PPP4R1: variants seen among roughly 807,000 people sequenced by gnomAD.
The protein encoded by PPP4R1 is protein phosphatase 4 regulatory subunit 1.
Under a neutral mutation model 111.2 loss-of-function variants are expected in PPP4R1, and 42 were observed. That is an observed-to-expected ratio of 0.38 (90% CI 0.29 to 0.49). The LOEUF is 0.49. Ranked by LOEUF, PPP4R1 falls within the 20% of genes least tolerant of loss-of-function variation. The probability of loss-of-function intolerance (pLI) is 0.97; values close to 1 mark genes in which losing one functional copy is unlikely to be tolerated. For synonymous variants in PPP4R1, 409 were observed against 405.5 expected (o/e 1.01, Z -0.10); for missense variants, 1,012 against 1,161.6 (o/e 0.87, Z 1.87).
rs765551012 is a variant in PPP4R1 at position 9,547,744 on chromosome 18, C to A, written c.*45G>T. 6.9e-6 allele frequency: 11 copies of A among 1,604,874 alleles called. No homozygotes were observed. The South Asian group carries it at 7.7e-5, about 11-fold the overall frequency. On this transcript the variant is annotated 3_prime_UTR_variant, in exon 20 of 20. Coordinates refer to ENST00000400556, the MANE Select transcript of PPP4R1 (RefSeq NM_001042388.3). Reference sequence around the variant, plus strand: ...ACATGCGTGGCGAATGCCCACTGAACCTCGGCTCTCATGGAAGCAGGAAAG... The same window carrying A: ...ACATGCGTGGCGAATGCCCACTGAAACTCGGCTCTCATGGAAGCAGGAAAG...
At chr18:9,570,858 G>A (rs1209218568) in intron 10 of PPP4R1, among the ~76,000 whole-genome samples, 175 bp from the exon 11 acceptor site, 1 of 152,166 alleles carries the variant, frequency 6.6e-6, no homozygotes, top group Non-Finnish European at 1.5e-5. Context: ...TCCATCAGCT[G>A]TTCTGTGTTC....
At chr18:9,558,058 C>T (rs1355927592) in intron 14 of PPP4R1, among the ~76,000 whole-genome samples, 2 of 152,186 alleles carry the variant, frequency 1.3e-5, no homozygotes, top group Admixed American at 6.5e-5. Context: ...AAATGTGTTG[C>T]ATTTATAATA....
At chr18:9,578,446 C>T (rs962497432) in intron 9 of PPP4R1, among the ~76,000 whole-genome samples, 1 of 151,786 alleles carries the variant, frequency 6.6e-6, no homozygotes, top group Admixed American at 6.6e-5. Flanking sequence ...GCTATGTTGC[C>T]CAGACTGGTC....
intron 16 of PPP4R1, chr18:9,551,970 C>T (rs1415446740): frequency 6.6e-6 from 1 of 152,458 alleles, no homozygotes; most frequent in African/African-American, 2.4e-5. Flanking sequence ...AAAACGCAAA[C>T]CCAGCTTGAC....
chr18:9,597,157 G>T (rs1424315099), intron 2 of PPP4R1, among the ~76,000 whole-genome samples: 1 of 152,078 alleles, frequency 6.6e-6, no homozygotes, highest in Non-Finnish European at 1.5e-5. Flanking sequence ...TTAAAAAAAA[G>T]ATAAAACATA....
intron 2 of PPP4R1, among the ~76,000 whole-genome samples, chr18:9,607,387 A>G (rs1485997331): frequency 6.6e-6 from 1 of 151,850 alleles, no homozygotes; most frequent in Admixed American, 6.6e-5. Flanking sequence ...AAACAGAAAC[A>G]TGGATAAATG....
intron 14 of PPP4R1, among the ~76,000 whole-genome samples, chr18:9,558,695 G>GACT (rs1167799581): frequency 4.5e-5 from 3 of 66,040 alleles, no homozygotes; most frequent in Non-Finnish European, 9.7e-5. Flanking sequence ...AGCCTAATCA[G>GACT]ACTGTTTTTT....
chr18:9,611,797 AG>A (rs2067583962), intron 2 of PPP4R1, among the ~76,000 whole-genome samples: 1 of 151,994 alleles, frequency 6.6e-6, no homozygotes, highest in African/African-American at 2.4e-5. Context: ...GGATCACCTG[AG>A]GTCGGGAGTT....
At chr18:9,592,669 A>T (rs908762403) in intron 4 of PPP4R1, among the ~76,000 whole-genome samples, 1 of 144,772 alleles carries the variant, frequency 6.9e-6, no homozygotes, top group African/African-American at 2.7e-5. Flanking sequence ...ACACACACAC[A>T]CTTACAAAAA....
At chr18:9,606,862 A>G (rs1297251994) in intron 2 of PPP4R1, among the ~76,000 whole-genome samples, 1 of 152,092 alleles carries the variant, frequency 6.6e-6, no homozygotes, top group African/African-American at 2.4e-5. Flanking sequence ...AATATTATAG[A>G]TATTTGTTCC....
intron 15 of PPP4R1, among the ~76,000 whole-genome samples, chr18:9,556,420 T>A (rs187344007): frequency 3.7e-4 from 57 of 152,156 alleles, no homozygotes; most frequent in African/African-American, 1.3e-3. Flanking sequence ...CTCAACCTCC[T>A]GACCTCAAGT....
intron 19 of PPP4R1, among the ~76,000 whole-genome samples, chr18:9,548,454 G>A (rs900847804): frequency 4.6e-5 from 7 of 152,142 alleles, no homozygotes; most frequent in Admixed American, 2.0e-4. Flanking sequence ...ATCTTGAAGA[G>A]ATTATAATTT....
At position 9,614,125 on chromosome 18, in the gene PPP4R1, TC is replaced by T; in HGVS notation, c.52+100del. The T allele has an allele frequency of 9.7e-7, 1 of 1,029,926 alleles. No individual in the cohort carries two copies. The highest frequency in any genetic ancestry group is 1.2e-6 in the Non-Finnish European group (1 of 812,572). The allele number at this position is 1,029,926 out of a possible 1,614,324, so 63.8% of individuals were successfully genotyped here. On this transcript the variant is annotated intron_variant, in intron 2 of 19. Transcript: ENST00000400556. The surrounding 1 kb of genome is among the most constrained non-coding windows in gnomAD (Gnocchi z 4.1). ...CGCCTGGGGCCGCCCTCGCCCACCG[TC>T]CCCTCAGCCAGCCAGGGCCCGGCCC...
At chr18:9,596,961 T>C (rs1178510782) in intron 2 of PPP4R1, among the ~76,000 whole-genome samples, 2 of 152,098 alleles carry the variant, frequency 1.3e-5, no homozygotes, top group African/African-American at 4.8e-5. Context: ...ACACCTTAAA[T>C]GGTAAATAAA....
At chr18:9,553,789 C>T (rs1334810235) in intron 15 of PPP4R1, among the ~76,000 whole-genome samples, 1 of 152,192 alleles carries the variant, frequency 6.6e-6, no homozygotes, top group East Asian at 1.9e-4. Flanking sequence ...GTGTGTAAGC[C>T]CTGCGTGTGA....
At chr18:9,573,172 T>C (rs552631890) in intron 10 of PPP4R1, among the ~76,000 whole-genome samples, 9 of 152,356 alleles carry the variant, frequency 5.9e-5, no homozygotes, top group East Asian at 1.9e-4. Flanking sequence ...TATGTATTTT[T>C]CCCTTTTGTT....
intron 6 of PPP4R1, among the ~76,000 whole-genome samples, chr18:9,586,983 A>AGTT (rs2067127216): frequency 6.6e-6 from 1 of 152,180 alleles, no homozygotes; most frequent in African/African-American, 2.4e-5. Flanking sequence ...ATGACTTAAC[A>AGTT]ATCTGTATAT....
intron 19 of PPP4R1, 68 bp from the exon 20 acceptor site, chr18:9,548,020 A>G: frequency 6.7e-7 from 1 of 1,484,340 alleles, no homozygotes; most frequent in Non-Finnish European, 9.2e-7. Context: ...TCCGTCAAGT[A>G]CGAGTGTAAA....
At chr18:9,574,264 A>G (rs1163209871) in intron 10 of PPP4R1, among the ~76,000 whole-genome samples, 6 of 152,330 alleles carry the variant, frequency 3.9e-5, no homozygotes, top group Admixed American at 2.0e-4. Context: ...TTGTGCCTAC[A>G]TAAGTTTATA....
Sources: gnomAD v4.1 joint callset for allele counts (sites outside exome capture counted in the v4.1 genomes callset) on GRCh38, gnomAD v4.1.1 for gene constraint, Gnocchi (gnomAD v3.1) non-coding constraint, MANE v1.5 for transcripts, NCBI Gene and HGNC (gene_info 2026-07-23, HGNC 2026-07-21) for gene names.